Variants in RELB observed in about 807,000 individuals in gnomAD.
The protein encoded by RELB is RELB proto-oncogene, NF-kB subunit.
A neutral mutation model predicts 55.4 loss-of-function variants in RELB; 14 were observed. That is an observed-to-expected ratio of 0.25 (90% CI 0.17 to 0.40). The LOEUF (loss-of-function observed/expected upper bound fraction) is 0.40, where lower values mean the gene tolerates loss of function less well. Ranked by LOEUF, RELB falls within the 10% of genes least tolerant of loss-of-function variation. The probability of loss-of-function intolerance (pLI) is 1.00; values close to 1 mark genes in which losing one functional copy is unlikely to be tolerated. For missense variants in RELB, 669 were observed against 830.7 expected (o/e 0.81, Z 2.39); for synonymous variants, 409 against 371.3 (o/e 1.10, Z -1.17).
chr19:45,005,156 G>A (rs554579994), intron 2 of RELB, among the ~76,000 whole-genome samples: 138 of 152,240 alleles, frequency 9.1e-4, no homozygotes, highest in African/African-American at 3.2e-3. Context: ...GGGTGACAGA[G>A]CAAGAGCCTC....
At position 45,032,658 on chromosome 19, in the gene RELB, C is replaced by G. The variant is rs758834064; in HGVS notation, c.1116C>G (p.Val372=). 2.5e-5 allele frequency: 40 copies of G among 1,611,958 alleles called. 1 individual carries two copies. The highest frequency in any genetic ancestry group is 2.1e-4 in the South Asian group (19 of 90,652). The stretch of plus-strand genomic sequence containing the variant: ...CGCCCTACGAGGACCTGGAGATTGT[C>G]GAGCCCGTGACAGTCAACGTCTTCC... ...KTPPYEDLEI[V]EPVTVNVFLQ... is the part of the protein sequence containing the mutation. Residue 372 remains valine, a synonymous_variant, in exon 9 of 12, where the codon GTC becomes GTG. Coordinates refer to ENST00000221452, the MANE Select transcript of RELB (RefSeq NM_006509.4).
In RELB at chr19:45,009,270, G is replaced by A. The variant is rs565708569; in HGVS notation, c.155-544G>A. ...TAATTTTTGTATTTTTAGTAGAGAC[G>A]GGGTTTCGCCATGTTGGCCAGGCTG... is the stretch of plus-strand genomic sequence containing the variant. On this transcript the variant is annotated intron_variant, in intron 2 of 11. Transcript: ENST00000221452. 2.1e-3 allele frequency among the ~76,000 whole-genome samples: 322 copies of A among 152,142 alleles called. 1 individual carries two copies. The highest frequency in any genetic ancestry group is 7.0e-3 in the African/African-American group (290 of 41,538).
At chr19:45,031,822 T>C (rs919784515) in intron 8 of RELB, among the ~76,000 whole-genome samples, 9 of 150,584 alleles carry the variant, frequency 6.0e-5, no homozygotes, top group East Asian at 2.0e-4. Flanking sequence ...GTGATCCGCC[T>C]GCCTCGGCCT....
At chr19:45,031,977 T>C (rs1185705192) in intron 8 of RELB, among the ~76,000 whole-genome samples, 3 of 151,450 alleles carry the variant, frequency 2.0e-5, no homozygotes, top group African/African-American at 4.8e-5. Flanking sequence ...GTGGCTTACA[T>C]CTGTAATCCC....
intron 8 of RELB, 121 bp downstream of exon 8, chr19:45,029,113 A>G: frequency 1.5e-6 from 1 of 688,518 alleles, no homozygotes; most frequent in Non-Finnish European, 2.5e-6. Context: ...ACCAGAGTGC[A>G]AGGGTCCAGA....
At position 45,037,613 on chromosome 19, in the gene RELB, C is replaced by T. The variant is rs199742203; in HGVS notation, c.1563C>T (p.Ala521=). ...GCGCTGTTGTGTGCAGCGGAGGTGC[C>T]GGGGCCGTGGTTGGGGAGACCCCCG... The part of the protein sequence containing the change: ...HASAVVCSGG[A]GAVVGETPGP... The change falls in exon 12 of 12, where the codon GCC becomes GCT. Residue 521 remains alanine (A), a synonymous_variant. Coordinates refer to ENST00000221452, the MANE Select transcript of RELB (RefSeq NM_006509.4). 2,277 of 1,604,074 alleles carry T rather than the reference C, an allele frequency of 1.4e-3. 9 individuals carry two copies. Among genetic ancestry groups the T allele is most frequent in the Non-Finnish European group, 1.7e-3 (1,958 of 1,175,996 alleles).
intron 2 of RELB, among the ~76,000 whole-genome samples, chr19:45,004,809 G>A (rs1333158150): frequency 6.6e-6 from 1 of 151,808 alleles, no homozygotes; most frequent in Non-Finnish European, 1.5e-5. Flanking sequence ...GGAGGTTGCC[G>A]TGAGCCGAGA....
chr19:45,002,793 C>T (rs1025255417), intron 1 of RELB, among the ~76,000 whole-genome samples, 156 bp from the exon 2 acceptor site: 1 of 152,030 alleles, frequency 6.6e-6, no homozygotes, highest in African/African-American at 2.4e-5. Flanking sequence ...CATGATTTAG[C>T]TGGTAAGCCT....
At chr19:45,028,516 TAG>T (rs1318318661) in intron 7 of RELB, among the ~76,000 whole-genome samples, 1 of 151,622 alleles carries the variant, frequency 6.6e-6, no homozygotes, top group Non-Finnish European at 1.5e-5. Context: ...GTATTTTTAG[TAG>T]AGTCAGGGTT....
chr19:45,033,584 C>G (rs1013165756), intron 9 of RELB, among the ~76,000 whole-genome samples: 1 of 151,816 alleles, frequency 6.6e-6, no homozygotes, highest in Non-Finnish European at 1.5e-5. Flanking sequence ...ACTCGGGAGG[C>G]TGAGGCAGGA....
At position 45,028,857 on chromosome 19, in the gene RELB, T is replaced by A. The variant is rs763931195; in HGVS notation, c.887-31T>A. Reference sequence around the variant, plus strand: ...GTGACTGAATTCTCGGGATTTTTTTTAATACACTTCTTCCTCTTGCTCCTT... The same window carrying A: ...GTGACTGAATTCTCGGGATTTTTTTAAATACACTTCTTCCTCTTGCTCCTT... On this transcript the variant is annotated intron_variant, in intron 7 of 11. Transcript: ENST00000221452. 42 of 1,539,978 alleles carry A rather than the reference T, an allele frequency of 2.7e-5. No homozygotes were observed. In the East Asian group the frequency reaches 6.1e-4, roughly 22 times the overall value.
intron 11 of RELB, among the ~76,000 whole-genome samples, chr19:45,034,842 C>CTT (rs778076849): frequency 7.1e-6 from 1 of 140,032 alleles, no homozygotes; most frequent in African/African-American, 2.6e-5. Flanking sequence ...TTTCTTCTTT[C>CTT]TTTTTTTTTT....
intron 3 of RELB, 37 bp downstream of exon 3, chr19:45,009,859 G>A: frequency 6.3e-7 from 1 of 1,595,304 alleles, no homozygotes; most frequent in Admixed American, 1.7e-5. Flanking sequence ...GGAGGCTGAG[G>A]GACCCAAGTG....
chr19:45,005,689 C>T (rs1484472801), intron 2 of RELB, among the ~76,000 whole-genome samples: 3 of 152,166 alleles, frequency 2.0e-5, no homozygotes, highest in South Asian at 2.1e-4. Context: ...CTGCAACCTC[C>T]GCCTCCCAGG....
chr19:45,015,001 C>T (rs923385166), intron 4 of RELB, among the ~76,000 whole-genome samples: 14 of 150,776 alleles, frequency 9.3e-5, no homozygotes, highest in Non-Finnish European at 1.8e-4. Flanking sequence ...CTCCTGGGTT[C>T]AAGCGATTCT....
intron 9 of RELB, among the ~76,000 whole-genome samples, chr19:45,033,422 T>C (rs1971648830): frequency 6.6e-6 from 1 of 152,022 alleles, no homozygotes; most frequent in Non-Finnish European, 1.5e-5. Context: ...CAGTGGCTCA[T>C]GCCTGTAATC....
chr19:45,011,864 A>C, intron 3 of RELB, 72 bp from the exon 4 acceptor site: 17 of 832,698 alleles, frequency 2.0e-5, no homozygotes, highest in Non-Finnish European at 2.7e-5. Flanking sequence ...TCTCGGGGGT[A>C]ATCAAGCCTT....
At position 45,034,577 on chromosome 19, in the gene RELB, T is replaced by C. The variant is rs901609261; in HGVS notation, c.1354+49T>C. 7.3e-6 allele frequency: 11 copies of C among 1,511,574 alleles called. No homozygotes were observed. The African/African-American group carries it at 1.5e-4, about 21-fold the overall frequency. 93.6% of individuals were successfully genotyped at this position (1,511,574 alleles called of 1,614,324 possible). A position where few individuals can be genotyped will look rare whatever the true frequency, so the allele number is the denominator to read the frequency against. On this transcript the variant is annotated intron_variant, in intron 11 of 11. Coordinates refer to ENST00000221452, the MANE Select transcript of RELB (RefSeq NM_006509.4). ...CCCTGTCCCCTGGGTGGGCAGAGGG[T>C]AAGTGGCAGCCCTGCTTTTCTGGCC...
Position 45,037,569 on chromosome 19 carries a change from C to G in RELB, c.1519C>G (p.Pro507Ala), listed in dbSNP as rs1456608337. Residue 507 changes from proline to alanine, a missense_variant, in exon 12 of 12, where the codon CCG (proline) becomes GCG (alanine). This residue lies in a region of RELB where 341 missense variants were observed against 436.8 expected (regional missense o/e 0.78). Transcript: ENST00000221452. ...CTTCACCATGCTGGACCTGCTGCCC[C>G]CGGCACCGCCACACGCTAGCGCTGT... ...TLFTMLDLLP[P>A]APPHASAVVC... 6.2e-7 allele frequency: 1 copy of G among 1,612,846 alleles called. No individual in the cohort carries two copies. Among genetic ancestry groups the G allele is most frequent in the Admixed American group, 1.7e-5 (1 of 59,912 alleles).
Sources: gnomAD v4.1 joint callset for allele counts (sites outside exome capture counted in the v4.1 genomes callset) on GRCh38, gnomAD v4.1.1 for gene constraint, gnomAD v4.1.1 regional missense constraint, MANE v1.5 for transcripts, NCBI Gene and HGNC (gene_info 2026-07-23, HGNC 2026-07-21) for gene names.